Variants in FAM200B observed in about 807,000 individuals in gnomAD.
FAM200B encodes the protein protein FAM200B.
A neutral mutation model predicts 33.1 loss-of-function variants in FAM200B; 32 were observed. The observed-to-expected ratio is 0.97, with a 90% CI of 0.73 to 1.30. The LOEUF is 1.30. FAM200B is among the 50% of genes most tolerant of loss of function. The pLI, the probability that FAM200B is intolerant of heterozygous loss-of-function variation, is 0.00. For synonymous variants in FAM200B, 240 were observed against 264.8 expected, an observed-to-expected ratio of 0.91 and a Z score of 0.91; for missense variants, 741 against 754.0, an observed-to-expected ratio of 0.98 and a Z score of 0.20.
chr4:15,669,015 C>T, the FAM200B span, among the ~76,000 whole-genome samples: 2 of 152,296 alleles, frequency 1.3e-5, no homozygotes, highest in Admixed American at 1.3e-4. Flanking sequence ...AGCTGCATAA[C>T]ACTTGTAGAG....
rs759753106 is a variant in FAM200B at position 15,688,281 on chromosome 4, T to A, written c.1304T>A (p.Ile435Asn). Reference sequence around the variant, plus strand: ...ACAAAATTGGCATATTTAACTGATATTTTTAGCATTCTTAATGAACTGAGT... The same window carrying A: ...ACAAAATTGGCATATTTAACTGATAATTTTAGCATTCTTAATGAACTGAGT... ...WVTKLAYLTD[I>N]FSILNELSLK... Residue 435 changes from isoleucine to asparagine, a missense_variant, in exon 2 of 2, where the codon ATT (isoleucine) becomes AAT (asparagine). Transcript: ENST00000422728. 54 of 1,548,216 alleles carry A rather than the reference T, an allele frequency of 3.5e-5. No homozygotes were observed. Among genetic ancestry groups the A allele is most frequent in the Non-Finnish European group, 4.4e-5 (50 of 1,144,112 alleles).
In FAM200B at chr4:15,688,766, A is replaced by G; in HGVS notation, c.1789A>G (p.Lys597Glu). Reference sequence around the variant, plus strand: ...GGAAGACTTTCCATTGTTAAGTAGAAAGAGTGTCCTGCTATTGCTACCATT... The same window carrying G: ...GGAAGACTTTCCATTGTTAAGTAGAGAGAGTGTCCTGCTATTGCTACCATT... Reference protein sequence around the residue: ...VKEDFPLLSRKSVLLLLPFTT... With the variant: ...VKEDFPLLSRESVLLLLPFTT... The change falls in exon 2 of 2, where the codon AAG becomes GAG. Residue 597 changes from lysine (K) to glutamate (E), a missense_variant. By Grantham distance (56) the Lys-to-Glu change is moderately conservative. Coordinates refer to ENST00000422728, the MANE Select transcript of FAM200B (RefSeq NM_001145191.2). 1 of 1,550,982 alleles carries G rather than the reference A, an allele frequency of 6.4e-7. No homozygotes were observed. Among genetic ancestry groups the G allele is most frequent in the Non-Finnish European group, 8.7e-7 (1 of 1,146,450 alleles).
the FAM200B span, among the ~76,000 whole-genome samples, chr4:15,657,674 C>T: frequency 1.3e-5 from 2 of 152,174 alleles, no homozygotes; most frequent in African/African-American, 2.4e-5. Context: ...GTAATTTTTC[C>T]CATGGAAAGC....
At chr4:15,655,908 G>A in the FAM200B span, among the ~76,000 whole-genome samples, 113 of 152,378 alleles carry the variant, frequency 7.4e-4, no homozygotes, top group Non-Finnish European at 1.4e-3. Context: ...AGCGGTTGGT[G>A]AACCAGAGCT....
At chr4:15,644,113 A>T in the FAM200B span, among the ~76,000 whole-genome samples, 3 of 152,182 alleles carry the variant, frequency 2.0e-5, no homozygotes, top group Admixed American at 6.5e-5. Context: ...CTGCATCTAC[A>T]TCTAATCAAA....
the FAM200B span, chr4:15,638,548 C>A: frequency 1.3e-6 from 2 of 1,598,908 alleles, no homozygotes; most frequent in Non-Finnish European, 1.7e-6. Flanking sequence ...TAAAAAACTT[C>A]TGTCGCTCTT....
chr4:15,663,948 T>G, the FAM200B span, among the ~76,000 whole-genome samples: 1 of 152,192 alleles, frequency 6.6e-6, no homozygotes, highest in Non-Finnish European at 1.5e-5. Context: ...GGTTTTAGAG[T>G]ATTTATATTC....
Position 15,688,125 on chromosome 4 carries a change from A to G in FAM200B, c.1148A>G (p.His383Arg), listed in dbSNP as rs762723727. Residue 383 changes from histidine to arginine, a missense_variant, in exon 2 of 2, where the codon CAT (histidine) becomes CGT (arginine). Coordinates refer to ENST00000422728, the MANE Select transcript of FAM200B (RefSeq NM_001145191.2). ...IGTNHTHLLY[H>R]TKIRWLSQGK... ...ACTAATCATACCCACTTACTATATC[A>G]TACCAAAATTCGTTGGTTGTCTCAA... The G allele has an allele frequency of 4.5e-6, 7 of 1,551,226 alleles. No individual in the cohort carries two copies. In the African/African-American group the frequency reaches 8.2e-5, roughly 18 times the overall value.
the FAM200B span, among the ~76,000 whole-genome samples, chr4:15,664,415 T>C: frequency 6.6e-6 from 1 of 152,078 alleles, no homozygotes; most frequent in Non-Finnish European, 1.5e-5. Context: ...CTAATTCCTA[T>C]TGAACAGGAC....
the FAM200B span, among the ~76,000 whole-genome samples, chr4:15,651,617 T>C: frequency 3.9e-5 from 6 of 152,282 alleles, no homozygotes; most frequent in Non-Finnish European, 8.8e-5. Flanking sequence ...AATAAAGCTA[T>C]ACTCACTCAT....
At chr4:15,650,558 C>T in the FAM200B span, among the ~76,000 whole-genome samples, 1 of 151,826 alleles carries the variant, frequency 6.6e-6, no homozygotes, top group Non-Finnish European at 1.5e-5. Context: ...ACTCTGATGC[C>T]TCACAAATTC....
rs1718958805 is a variant in FAM200B, at chr4:15,687,395, A to G, written c.418A>G (p.Thr140Ala). ...KLSTQFLSCS[T>A]AVSEKALLSS... is the part of the protein sequence containing the mutation. The stretch of plus-strand genomic sequence containing the variant: ...ATCAACACAATTTCTTAGTTGTTCT[A>G]CTGCTGTTAGTGAGAAAGCCTTATT... The change falls in exon 2 of 2, where the codon ACT becomes GCT. Residue 140 changes from threonine to alanine, a missense_variant. Thr to Ala is a moderately conservative substitution (Grantham distance 58, BLOSUM62 0). Coordinates refer to ENST00000422728, the MANE Select transcript of FAM200B (RefSeq NM_001145191.2). 4 of 1,545,728 alleles carry G rather than the reference A, an allele frequency of 2.6e-6. No individual in the cohort carries two copies. The highest frequency in any genetic ancestry group is 1.7e-4 in the Middle Eastern group (1 of 5,972).
At chr4:15,653,573 CCA>C in the FAM200B span, among the ~76,000 whole-genome samples, 5 of 152,160 alleles carry the variant, frequency 3.3e-5, no homozygotes, top group South Asian at 2.1e-4. Context: ...GGCTACCTCT[CCA>C]CAGTCTAAAG....
chr4:15,665,396 G>A, the FAM200B span, among the ~76,000 whole-genome samples: 1 of 151,938 alleles, frequency 6.6e-6, no homozygotes, highest in African/African-American at 2.4e-5. Context: ...TCCAACAACG[G>A]CTTATTATTA....
the FAM200B span, among the ~76,000 whole-genome samples, chr4:15,656,059 A>T: frequency 6.6e-6 from 1 of 152,238 alleles, no homozygotes; most frequent in African/African-American, 2.4e-5. Context: ...GTATCTGGGG[A>T]TCCAGGTGCG....
At chr4:15,640,410 AC>A in the FAM200B span, among the ~76,000 whole-genome samples, 309 of 146,582 alleles carry the variant, frequency 2.1e-3, 6 homozygotes, top group African/African-American at 7.3e-3. Flanking sequence ...AAAAAAAAAA[AC>A]ATGAAAAAAT....
At chr4:15,657,048 T>C in the FAM200B span, among the ~76,000 whole-genome samples, 286 of 152,326 alleles carry the variant, frequency 1.9e-3, 1 homozygote, top group African/African-American at 6.4e-3. Context: ...AATAATAAAA[T>C]ATTTGATAAA....
At chr4:15,676,459 ACT>A in the FAM200B span, among the ~76,000 whole-genome samples, 1 of 152,114 alleles carries the variant, frequency 6.6e-6, no homozygotes, top group African/African-American at 2.4e-5. Context: ...AAAAAGGGAG[ACT>A]CTGTTATATA....
chr4:15,678,053 G>A (rs1239861464), upstream of FAM200B, among the ~76,000 whole-genome samples: 1 of 152,174 alleles, frequency 6.6e-6, no homozygotes, highest in African/African-American at 2.4e-5. Flanking sequence ...AAATGGGCGG[G>A]TGGGTGTGTT....
Sources: gnomAD v4.1 joint callset for allele counts (sites outside exome capture counted in the v4.1 genomes callset) on GRCh38, gnomAD v4.1.1 for gene constraint, MANE v1.5 for transcripts, NCBI Gene and HGNC (gene_info 2026-07-23, HGNC 2026-07-21) for gene names.